SLC10A7: variants seen among roughly 807,000 people sequenced by gnomAD.
SLC10A7 encodes solute carrier family 10 member 7, also known as sodium/bile acid cotransporter 7.
In SLC10A7, 29 loss-of-function variants were observed where a neutral mutation model predicts 43.2. That is an observed-to-expected ratio of 0.67 (90% confidence interval 0.50 to 0.92). SLC10A7 has a LOEUF of 0.92. SLC10A7 is among the 40% of genes least tolerant of loss of function. The probability of loss-of-function intolerance (pLI) is 0.00; values close to 1 mark genes in which losing one functional copy is unlikely to be tolerated. For synonymous variants in SLC10A7, 152 were observed against 144.8 expected (o/e 1.05, Z -0.35); for missense variants, 295 against 403.2 (o/e 0.73, Z 2.30).
intron 5 of SLC10A7, among the ~76,000 whole-genome samples, chr4:146,337,644 A>G (rs190206851): frequency 6.6e-6 from 1 of 152,108 alleles, no homozygotes; most frequent in African/African-American, 2.4e-5. Flanking sequence ...TACAAACATT[A>G]TCTAATTTAA....
At chr4:146,337,065 A>G (rs1040492798) in intron 5 of SLC10A7, among the ~76,000 whole-genome samples, 1 of 152,038 alleles carries the variant, frequency 6.6e-6, no homozygotes, top group Non-Finnish European at 1.5e-5. Context: ...ATTAGAGCCC[A>G]GGGCAACAGA....
chr4:146,414,182 A>C (rs937886494), intron 5 of SLC10A7, among the ~76,000 whole-genome samples: 1 of 152,128 alleles, frequency 6.6e-6, no homozygotes, highest in African/African-American at 2.4e-5. Context: ...AAGCTCACAT[A>C]GGGCCCTCCT....
At chr4:146,516,316 T>C (rs921564568) in intron 2 of SLC10A7, among the ~76,000 whole-genome samples, 1 of 151,838 alleles carries the variant, frequency 6.6e-6, no homozygotes, top group Non-Finnish European at 1.5e-5. Context: ...TAAAAATGTC[T>C]GGATTTCTTT....
chr4:146,256,912 G>C, intron 11 of SLC10A7: 1 of 1,536,356 alleles, frequency 6.5e-7, no homozygotes, highest in Non-Finnish European at 8.7e-7. Context: ...AAGTTAGCCA[G>C]TGGCCCCCTG....
intron 6 of SLC10A7, among the ~76,000 whole-genome samples, chr4:146,321,466 G>T (rs776595717): frequency 1.3e-5 from 2 of 151,906 alleles, no homozygotes; most frequent in Non-Finnish European, 2.9e-5. Context: ...AATTACTTTT[G>T]CAATTACCTG....
intron 5 of SLC10A7, among the ~76,000 whole-genome samples, chr4:146,357,746 C>A (rs969576334): frequency 2.0e-5 from 3 of 152,010 alleles, no homozygotes; most frequent in Non-Finnish European, 4.4e-5. Flanking sequence ...GAATATGTCC[C>A]CTGGAATTTG....
At position 146,268,571 on chromosome 4, in the gene SLC10A7, A is replaced by C. The variant is rs192167471; in HGVS notation, c.848-9734T>G. 1.9e-3 allele frequency among the ~76,000 whole-genome samples: 289 copies of C among 152,308 alleles called. 3 individuals carry two copies. Among genetic ancestry groups the C allele is most frequent in the Non-Finnish European group, 6.3e-4 (43 of 68,022 alleles). On this transcript the variant is annotated intron_variant, in intron 10 of 11. Coordinates refer to ENST00000335472, the MANE Select transcript of SLC10A7 (RefSeq NM_001029998.6). ...ATTGGTAAGGCAGAATATTGATTGT[A>C]GCCAATACTTACACAGCGTTTACTA...
At chr4:146,473,747 T>A (rs1204928516) in intron 4 of SLC10A7, among the ~76,000 whole-genome samples, 2 of 152,044 alleles carry the variant, frequency 1.3e-5, no homozygotes, top group African/African-American at 4.8e-5. Flanking sequence ...AATCTTACAT[T>A]TTTTTTACTG....
chr4:146,437,303 T>G (rs1240222718), intron 5 of SLC10A7, among the ~76,000 whole-genome samples: 1 of 152,102 alleles, frequency 6.6e-6, no homozygotes. Flanking sequence ...GATGATGGGT[T>G]GCATTGTGCA....
chr4:146,283,409 A>G, intron 9 of SLC10A7, 144 bp from the exon 10 acceptor site: 2 of 647,566 alleles, frequency 3.1e-6, no homozygotes, highest in Non-Finnish European at 5.5e-6. Context: ...AAATGTACAG[A>G]AGTGTCTGGA....
At chr4:146,426,941 C>T (rs1255948973) in intron 5 of SLC10A7, among the ~76,000 whole-genome samples, 3 of 152,146 alleles carry the variant, frequency 2.0e-5, no homozygotes, top group African/African-American at 7.2e-5. Context: ...ATTTAGCAGT[C>T]TCGTAGAGAA....
At chr4:146,347,676 A>C (rs1205664485) in intron 5 of SLC10A7, among the ~76,000 whole-genome samples, 1 of 152,208 alleles carries the variant, frequency 6.6e-6, no homozygotes, top group Non-Finnish European at 1.5e-5. Flanking sequence ...TGGAAAATTC[A>C]AAGACTAAAA....
chr4:146,440,695 T>C (rs1730532570), intron 5 of SLC10A7, among the ~76,000 whole-genome samples: 1 of 152,222 alleles, frequency 6.6e-6, no homozygotes, highest in African/African-American at 2.4e-5. Flanking sequence ...TATAGAATTA[T>C]TTCTCTTATA....
At chr4:146,302,396 G>A (rs1731222863) in intron 7 of SLC10A7, among the ~76,000 whole-genome samples, 1 of 152,184 alleles carries the variant, frequency 6.6e-6, no homozygotes, top group Non-Finnish European at 1.5e-5. Context: ...GTCTGGGAAT[G>A]TAATGATAAA....
chr4:146,442,630 T>C (rs1730691239), intron 5 of SLC10A7, 153 bp downstream of exon 5: 3 of 1,474,426 alleles, frequency 2.0e-6, no homozygotes, highest in Non-Finnish European at 2.7e-6. Flanking sequence ...CATTAACTAC[T>C]TTTCTTCAGG....
chr4:146,442,252 T>TAG lies in SLC10A7; in HGVS notation c.435+530_435+531insCT, dbSNP rs576336778. On this transcript the variant is annotated intron_variant, in intron 5 of 11. Coordinates refer to ENST00000335472, the MANE Select transcript of SLC10A7 (RefSeq NM_001029998.6). ...TTTTGAATCTTTATATATATATATA[T>TAG]ATAGATACAACATTTACTTGCAAAT... is the stretch of plus-strand genomic sequence containing the variant. The TAG allele has an allele frequency of 1.4e-3, 1,290 of 943,500 alleles. 2 individuals are homozygous for TAG. In the East Asian group the frequency reaches 0.017, roughly 12 times the overall value. The allele number at this position is 943,500 out of a possible 1,614,324, so 58.4% of individuals were successfully genotyped here. A position where few individuals can be genotyped will look rare whatever the true frequency, so the allele number is the denominator to read the frequency against.
At chr4:146,374,629 C>T (rs1444201341) in intron 5 of SLC10A7, among the ~76,000 whole-genome samples, 2 of 133,512 alleles carry the variant, frequency 1.5e-5, no homozygotes, top group Non-Finnish European at 3.2e-5. Flanking sequence ...TACACACACA[C>T]ACACACACAC....
At chr4:146,479,150 T>C (rs1429294959) in intron 4 of SLC10A7, among the ~76,000 whole-genome samples, 2 of 152,280 alleles carry the variant, frequency 1.3e-5, no homozygotes, top group Middle Eastern at 3.4e-3. Context: ...TACCCTGCAA[T>C]ATGATATTTA....
chr4:146,517,065 A>T lies in SLC10A7; in HGVS notation c.156T>A (p.Phe52Leu). The T allele has an allele frequency of 4.3e-6, 7 of 1,610,374 alleles. No individual in the cohort carries two copies. Among genetic ancestry groups the T allele is most frequent in the Middle Eastern group, 1.7e-4 (1 of 6,054 alleles). The change falls in exon 2 of 12, where the codon TTT (phenylalanine) becomes TTA (leucine). Residue 52 changes from phenylalanine to leucine, a missense_variant. Phe to Leu is a conservative substitution (Grantham distance 22). Transcript: ENST00000335472. ...VSYIAVATIF[F>L]NSGLSLKTEE... ...CTGTTTTCAATGATAGTCCACTGTT[A>T]AAGAATATTGTTGCAACAGCAATGT... is the stretch of plus-strand genomic sequence containing the variant.
Sources: gnomAD v4.1 joint callset for allele counts (sites outside exome capture counted in the v4.1 genomes callset) on GRCh38, gnomAD v4.1.1 for gene constraint, MANE v1.5 for transcripts, NCBI Gene and HGNC (gene_info 2026-07-23, HGNC 2026-07-21) for gene names.